Variants in PXN observed in about 807,000 individuals in gnomAD.
The protein encoded by PXN is paxillin.
PXN carries 61 observed loss-of-function variants against 103.6 expected under a neutral mutation model. The observed-to-expected ratio is 0.59, with a 90% CI of 0.48 to 0.73. The LOEUF (loss-of-function observed/expected upper bound fraction) is 0.73, where lower values mean the gene tolerates loss of function less well. Among genes scored for constraint, PXN ranks in the 30% least tolerant of loss-of-function variants. The pLI is 0.00. For synonymous variants in PXN, 562 were observed against 607.8 expected, an observed-to-expected ratio of 0.92 and a Z score of 1.11; for missense variants, 1,274 against 1,460.3, an observed-to-expected ratio of 0.87 and a Z score of 2.08.
rs776664432 is a variant in PXN at position 120,214,609 on chromosome 12, C to T, written c.2748+216G>A. On this transcript the variant is annotated intron_variant, in intron 12 of 14. Transcript: ENST00000637617. The surrounding 1 kb of genome is among the most constrained non-coding windows in gnomAD (Gnocchi z 5.0). The stretch of plus-strand genomic sequence containing the variant: ...CCTGGGAGTCTCCACAGAAAGGAAT[C>T]GAGATGGGAGGTGAAGGGAGGTGGG... Among the ~76,000 whole-genome samples the T allele has an allele frequency of 2.6e-5, 4 of 152,120 alleles. No homozygotes were observed. Among genetic ancestry groups the T allele is most frequent in the South Asian group, 2.1e-4 (1 of 4,826 alleles).
chr12:120,253,346 G>A (rs1632619), intron 1 of PXN, among the ~76,000 whole-genome samples: 2 of 151,976 alleles, frequency 1.3e-5, no homozygotes, highest in South Asian at 4.1e-4. Context: ...GATGGCACAC[G>A]CCTGTAGTCT....
rs1405715001 is a variant in PXN, at chr12:120,213,964, AG to A, written c.2856del (p.Tyr953ThrfsTer48). The A allele has an allele frequency of 6.2e-7, 1 of 1,612,610 alleles. No individual in the cohort carries two copies. The highest frequency in any genetic ancestry group is 8.5e-7 in the Non-Finnish European group (1 of 1,179,462). On this transcript the variant is annotated frameshift_variant, in exon 14 of 15. Transcript: ENST00000637617. LOFTEE classifies it high-confidence loss of function. The surrounding 1 kb of genome is among the most constrained non-coding windows in gnomAD (Gnocchi z 4.2). ...PEGFHEKDGKAYCRKDYFDMF... is the reference protein window; with the variant it reads ...PEGFHEKDGKXYCRKDYFDMF... ...ATGTCGAAGTAGTCCTTGCGACAGT[AG>A]GCCTTGCCGTCCTTCTCGTGGAACC...
intron 1 of PXN, among the ~76,000 whole-genome samples, chr12:120,250,610 C>T (rs561057093): frequency 6.6e-6 from 1 of 152,216 alleles, no homozygotes; most frequent in Non-Finnish European, 1.5e-5. Context: ...CCACCTCCTC[C>T]CCCACCACTT....
At chr12:120,239,687 G>T (rs1055308264) in intron 1 of PXN, among the ~76,000 whole-genome samples, 2 of 152,188 alleles carry the variant, frequency 1.3e-5, no homozygotes, top group Non-Finnish European at 2.9e-5. Context: ...GGAGGCGGAG[G>T]TTGCAGTGAC....
At position 120,237,148 on chromosome 12, in the gene PXN, TACACAC is replaced by T. The variant is rs201905149; in HGVS notation, c.14-12777_14-12772del. 2.8e-3 allele frequency among the ~76,000 whole-genome samples: 386 copies of T among 137,592 alleles called. 2 individuals carry two copies. Among genetic ancestry groups the T allele is most frequent in the South Asian group, 0.018 (74 of 4,154 alleles). The allele number at this position is 137,592 out of a possible 152,430, so 90.3% of individuals were successfully genotyped here. A position where few individuals can be genotyped will look rare whatever the true frequency, so the allele number is the denominator to read the frequency against. On this transcript the variant is annotated intron_variant, in intron 1 of 14. Coordinates refer to ENST00000637617, the MANE Select transcript of PXN (RefSeq NM_001385981.1). ...GTACGTGTGTGTGTGTGTGTGTGTA[TACACAC>T]ACACACACACACACACACACACACA...
chr12:120,213,894 T>C lies in PXN; in HGVS notation c.2927A>G (p.Asn976Ser). ...CAGCGTGTTGAGGGCTGAGATATAG[T>C]TCTCCAGGATGGCCCGGGCGCAGCC... is the stretch of plus-strand genomic sequence containing the variant. ...CGGCARAILE[N>S]YISALNTLWH... Residue 976 changes from asparagine (N) to serine (S), a missense_variant, in exon 14 of 15, where the codon AAC becomes AGC. Asn to Ser is a conservative substitution (Grantham distance 46). Transcript: ENST00000637617. This position sits in a 1 kb window ranked among gnomAD's most constrained non-coding sequence, Gnocchi z 4.2. 3.7e-6 allele frequency: 6 copies of C among 1,611,352 alleles called. No homozygotes were observed. The highest frequency in any genetic ancestry group is 5.1e-6 in the Non-Finnish European group (6 of 1,178,916).
At position 120,229,942 on chromosome 12, in the gene PXN, C is replaced by T. The variant is rs1594436494; in HGVS notation, c.14-5565G>A. On this transcript the variant is annotated intron_variant, in intron 1 of 14. Transcript: ENST00000637617. The surrounding 1 kb of genome is among the most constrained non-coding windows in gnomAD (Gnocchi z 4.0). ...ACCTTTGCCATTCTGGACTCCTCCA[C>T]CAGCAGCCCCAGGCAGAACTAGAAG... 6.6e-6 allele frequency among the ~76,000 whole-genome samples: 1 copy of T among 152,278 alleles called. No homozygotes were observed. The highest frequency in any genetic ancestry group is 1.9e-4 in the East Asian group (1 of 5,184).
rs967217613 is a variant in PXN, at chr12:120,221,860, C to G, written c.696-102G>C. 21 of 1,449,064 alleles carry G rather than the reference C, an allele frequency of 1.4e-5. No homozygotes were observed. Among genetic ancestry groups the G allele is most frequent in the Non-Finnish European group, 1.8e-5 (20 of 1,093,360 alleles). 89.8% of individuals were successfully genotyped at this position (1,449,064 alleles called of 1,614,324 possible). A position where few individuals can be genotyped will look rare whatever the true frequency, so the allele number is the denominator to read the frequency against. On this transcript the variant is annotated intron_variant, in intron 5 of 14. Transcript: ENST00000637617. The surrounding 1 kb of genome is among the most constrained non-coding windows in gnomAD (Gnocchi z 6.6). The stretch of plus-strand genomic sequence containing the variant: ...CTCGGACACTGGGGTCTCACCATCC[C>G]CAACCCCAGGGAGGTCCACCAGCTC...
In PXN at chr12:120,221,754, C is replaced by T. The variant is rs375590100; in HGVS notation, c.700G>A (p.Ala234Thr). 1.9e-4 allele frequency: 295 copies of T among 1,566,054 alleles called. No individual in the cohort carries two copies. The highest frequency in any genetic ancestry group is 2.4e-4 in the Non-Finnish European group (282 of 1,156,930). ...ATCTCGCCCTGGTTCACAGTGATGGCAGGGCTGCAGGGTGGGCACAGCATC... is the reference window on the plus strand; with the variant it reads ...ATCTCGCCCTGGTTCACAGTGATGGTAGGGCTGCAGGGTGGGCACAGCATC... ...LESSVPSPVP[A>T]ITVNQGEMSS... The change falls in exon 6 of 15, where the codon GCC (alanine) becomes ACC (threonine). Residue 234 changes from alanine (A) to threonine (T), a missense_variant. Physicochemically the swap from Ala to Thr is moderately conservative, Grantham distance 58. This residue lies in a region of PXN where 1,178 missense variants were observed against 1,309.0 expected (regional missense o/e 0.90). Transcript: ENST00000637617. The surrounding 1 kb of genome is among the most constrained non-coding windows in gnomAD (Gnocchi z 6.6).
Position 120,214,162 on chromosome 12 carries a change from T to G in PXN, c.2804A>C (p.Gln935Pro). 1 of 1,552,396 alleles carries G rather than the reference T, an allele frequency of 6.4e-7. No individual in the cohort carries two copies. Among genetic ancestry groups the G allele is most frequent in the Non-Finnish European group, 8.7e-7 (1 of 1,147,516 alleles). ...TTCGGGACCAAAGAAGGCTCCACAC[T>G]GTGCACAGAAGAAGTGTTCAGGGTG... is the stretch of plus-strand genomic sequence containing the variant. ...TWHPEHFFCA[Q>P]CGAFFGPEGF... Residue 935 changes from glutamine (Q) to proline (P), a missense_variant, in exon 13 of 15, where the codon CAG (glutamine) becomes CCG (proline). Transcript: ENST00000637617. This position sits in a 1 kb window ranked among gnomAD's most constrained non-coding sequence, Gnocchi z 5.0.
chr12:120,210,984 G>T lies in PXN; in HGVS notation c.*1330C>A, dbSNP rs1880039349. The T allele has an allele frequency of 6.6e-6, 1 of 152,630 alleles. No homozygotes were observed. The highest frequency in any genetic ancestry group is 2.4e-5 in the African/African-American group (1 of 41,442). The allele number at this position is 152,630 out of a possible 1,614,324, so 9.5% of individuals were successfully genotyped here. On this transcript the variant is annotated 3_prime_UTR_variant, in exon 15 of 15. Coordinates refer to ENST00000637617, the MANE Select transcript of PXN (RefSeq NM_001385981.1). ...AGGGGAGGAGCAGATCTGGGGAAGG[G>T]ATATGCCCAGAGGAAATCAACAAGA...
Position 120,212,201 on chromosome 12 carries a change from A to T in PXN, c.*113T>A. The T allele has an allele frequency of 7.0e-7, 1 of 1,430,754 alleles. No homozygotes were observed. The highest frequency in any genetic ancestry group is 9.5e-7 in the Non-Finnish European group (1 of 1,057,164). 88.6% of individuals were successfully genotyped at this position (1,430,754 alleles called of 1,614,324 possible). A position where few individuals can be genotyped will look rare whatever the true frequency, so the allele number is the denominator to read the frequency against. Reference sequence around the variant, plus strand: ...GTCCATCCCGCACCAGCGGAGGACAAGGGTTCCAGTTTCAGTCGGGTTTAC... The same window carrying T: ...GTCCATCCCGCACCAGCGGAGGACATGGGTTCCAGTTTCAGTCGGGTTTAC... On this transcript the variant is annotated 3_prime_UTR_variant, in exon 15 of 15. Coordinates refer to ENST00000637617, the MANE Select transcript of PXN (RefSeq NM_001385981.1). This position sits in a 1 kb window ranked among gnomAD's most constrained non-coding sequence, Gnocchi z 7.2.
Position 120,224,730 on chromosome 12 carries a change from G to A in PXN, c.14-353C>T, listed in dbSNP as rs1224727681. 3 of 526,376 alleles carry A rather than the reference G, an allele frequency of 5.7e-6. No homozygotes were observed. Among genetic ancestry groups the A allele is most frequent in the Admixed American group, 2.2e-5 (1 of 44,514 alleles). The allele number at this position is 526,376 out of a possible 1,614,324, so 32.6% of individuals were successfully genotyped here. On this transcript the variant is annotated intron_variant, in intron 1 of 14. Transcript: ENST00000637617. The surrounding 1 kb of genome is among the most constrained non-coding windows in gnomAD (Gnocchi z 5.0). ...AGTGCCTGTCTGGAACTCTGAATCT[G>A]CAGGGCAACGCGGAGAGAATGGGCG...
At chr12:120,249,045 G>A (rs1381559781) in intron 1 of PXN, among the ~76,000 whole-genome samples, 2 of 152,064 alleles carry the variant, frequency 1.3e-5, no homozygotes, top group African/African-American at 2.4e-5. Flanking sequence ...GCTGAGGCAC[G>A]AGAATCGCTT....
Position 120,211,634 on chromosome 12 carries a change from C to A in PXN, c.*680G>T. The stretch of plus-strand genomic sequence containing the variant: ...AAAGTCGGTACAGTGTCCAGGCACG[C>A]CGTCCCGGAGACGGAGGAAGTGACT... On this transcript the variant is annotated 3_prime_UTR_variant, in exon 15 of 15. Coordinates refer to ENST00000637617, the MANE Select transcript of PXN (RefSeq NM_001385981.1). 1 of 290,852 alleles carries A rather than the reference C, an allele frequency of 3.4e-6. No individual in the cohort carries two copies. The highest frequency in any genetic ancestry group is 6.9e-6 in the Non-Finnish European group (1 of 143,898). 18.0% of individuals were successfully genotyped at this position (290,852 alleles called of 1,614,324 possible).
At chr12:120,257,615 C>A (rs964004319) in intron 1 of PXN, among the ~76,000 whole-genome samples, 1 of 152,200 alleles carries the variant, frequency 6.6e-6, no homozygotes, top group Non-Finnish European at 1.5e-5. Flanking sequence ...CAGCTATTTC[C>A]CCAAAACAGA....
chr12:120,219,178 G>A lies in PXN; in HGVS notation c.1716+29C>T. On this transcript the variant is annotated intron_variant, in intron 7 of 14. Transcript: ENST00000637617. The surrounding 1 kb of genome is among the most constrained non-coding windows in gnomAD (Gnocchi z 6.5). ...CACACTCAGACCCGCCAATGGCCATGCCCAGCAGCCATGCGAGCTGGTGCC... is the reference window on the plus strand; with the variant it reads ...CACACTCAGACCCGCCAATGGCCATACCCAGCAGCCATGCGAGCTGGTGCC... 1 of 1,525,148 alleles carries A rather than the reference G, an allele frequency of 6.6e-7. No individual in the cohort carries two copies. Among genetic ancestry groups the A allele is most frequent in the Non-Finnish European group, 8.8e-7 (1 of 1,139,916 alleles). The allele number at this position is 1,525,148 out of a possible 1,614,324, so 94.5% of individuals were successfully genotyped here.
intron 1 of PXN, among the ~76,000 whole-genome samples, chr12:120,238,778 T>C (rs955168081): frequency 1.3e-5 from 2 of 152,246 alleles, no homozygotes; most frequent in African/African-American, 4.8e-5. Flanking sequence ...TGCTAGGTTC[T>C]GCAGTGTCTG....
At chr12:120,235,019 A>T (rs530120469) in intron 1 of PXN, among the ~76,000 whole-genome samples, 1 of 152,052 alleles carries the variant, frequency 6.6e-6, no homozygotes, top group Non-Finnish European at 1.5e-5. Context: ...TCCTCCTTGG[A>T]GAACATCAGC....
Sources: allele counts gnomAD v4.1 joint callset (sites outside exome capture counted in the v4.1 genomes callset), GRCh38; gene constraint gnomAD v4.1.1; regional missense constraint gnomAD v4.1.1; non-coding constraint Gnocchi (gnomAD v3.1); transcripts MANE v1.5; gene names NCBI Gene and HGNC (gene_info 2026-07-23, HGNC 2026-07-21).